GPRIN3: variants seen among roughly 807,000 people sequenced by gnomAD.
The protein encoded by GPRIN3 is G protein-regulated inducer of neurite outgrowth 3.
Under a neutral mutation model 13.7 loss-of-function variants are expected in GPRIN3, and 12 were observed. The ratio of observed to expected loss-of-function variants is 0.87; its 90% CI spans 0.56 to 1.42. The LOEUF (loss-of-function observed/expected upper bound fraction) is 1.42. Ranked by LOEUF, GPRIN3 falls within the 40% of genes most tolerant of loss-of-function variation. The pLI is 0.00. For missense variants in GPRIN3, 1,009 were observed against 958.7 expected (o/e 1.05, Z -0.69); for synonymous variants, 377 against 372.7 (o/e 1.01, Z -0.13).
rs542295810 is a variant in GPRIN3 at position 89,290,515 on chromosome 4, G to C, written c.-124+17100C>G. On this transcript the variant is annotated intron_variant, in intron 1 of 1. Transcript: ENST00000609438. Reference sequence around the variant, plus strand: ...GCTTAGGATTCGCTGGAAGCATTAAGTTTCAGGACAAATGCCATACTCTCC... The same window carrying C: ...GCTTAGGATTCGCTGGAAGCATTAACTTTCAGGACAAATGCCATACTCTCC... 9.2e-5 allele frequency among the ~76,000 whole-genome samples: 14 copies of C among 152,242 alleles called. No individual in the cohort carries two copies. The South Asian group carries it at 2.3e-3, about 25-fold the overall frequency.
chr4:89,283,892 T>C (rs751937837), intron 1 of GPRIN3, among the ~76,000 whole-genome samples: 23 of 152,138 alleles, frequency 1.5e-4, no homozygotes, highest in Admixed American at 1.1e-3. Flanking sequence ...TGTGACAAAG[T>C]AAAACTGCGG....
chr4:89,272,828 A>G (rs1436432214), intron 1 of GPRIN3, among the ~76,000 whole-genome samples: 1 of 152,228 alleles, frequency 6.6e-6, no homozygotes, highest in African/African-American at 2.4e-5. Flanking sequence ...ATTCTATTCC[A>G]TTTAAAAATG....
chr4:89,248,459 G>A lies in GPRIN3; in HGVS notation c.1652C>T (p.Ser551Phe), dbSNP rs1157402523. The change falls in exon 2 of 2, where the codon TCT becomes TTT. Residue 551 changes from serine to phenylalanine, a missense_variant. Transcript: ENST00000609438. The part of the protein sequence containing the change: ...ASPQVVKEKE[S>F]TGTDTSDAKT... ...GGCATCCGAGGTATCAGTGCCAGTAGACTCTTTTTCTTTTACTACCTGAGG... is the reference window on the plus strand; with the variant it reads ...GGCATCCGAGGTATCAGTGCCAGTAAACTCTTTTTCTTTTACTACCTGAGG... 3 of 1,613,200 alleles carry A rather than the reference G, an allele frequency of 1.9e-6. No individual in the cohort carries two copies. The Admixed American group carries it at 5.0e-5, about 27-fold the overall frequency.
intron 1 of GPRIN3, among the ~76,000 whole-genome samples, chr4:89,300,922 T>G (rs952646759): frequency 1.3e-5 from 2 of 152,212 alleles, no homozygotes; most frequent in Admixed American, 6.5e-5. Flanking sequence ...TAATTTTAAT[T>G]AACAATTACA....
chr4:89,249,875 G>T lies in GPRIN3; in HGVS notation c.236C>A (p.Ser79Tyr), dbSNP rs753838335. 7.4e-6 allele frequency: 12 copies of T among 1,614,212 alleles called. 1 individual carries two copies. Among genetic ancestry groups the T allele is most frequent in the Middle Eastern group, 1.6e-4 (1 of 6,062 alleles). The change falls in exon 2 of 2, where the codon TCT becomes TAT. Residue 79 changes from serine (S) to tyrosine (Y), a missense_variant. Coordinates refer to ENST00000609438, the MANE Select transcript of GPRIN3 (RefSeq NM_198281.3). ...CEHETTQPDM[S>Y]SPGVFNEVQK... ...CACTTCATTGAACACACCAGGAGAAGACATATCTGGTTGGGTGGTCTCATG... is the reference window on the plus strand; with the variant it reads ...CACTTCATTGAACACACCAGGAGAATACATATCTGGTTGGGTGGTCTCATG...
intron 1 of GPRIN3, among the ~76,000 whole-genome samples, chr4:89,282,821 T>C (rs1037764061): frequency 2.0e-5 from 3 of 152,114 alleles, no homozygotes; most frequent in South Asian, 2.1e-4. Flanking sequence ...TTTGCTGTCA[T>C]GGGAACTATG....
chr4:89,282,123 G>A (rs753719211), intron 1 of GPRIN3, among the ~76,000 whole-genome samples: 15 of 152,080 alleles, frequency 9.9e-5, no homozygotes, highest in East Asian at 1.9e-4. Flanking sequence ...TTTTTATTTC[G>A]TGTATAATGC....
At position 89,246,491 on chromosome 4, in the gene GPRIN3, C is replaced by A. The variant is rs1458797797; in HGVS notation, c.*1289G>T. The A allele has an allele frequency of 6.6e-6, 1 of 152,154 alleles. No individual in the cohort carries two copies. Among genetic ancestry groups the A allele is most frequent in the Non-Finnish European group, 1.5e-5 (1 of 68,060 alleles). The allele number at this position is 152,154 out of a possible 1,614,324, so 9.4% of individuals were successfully genotyped here. A position where few individuals can be genotyped will look rare whatever the true frequency, so the allele number is the denominator to read the frequency against. On this transcript the variant is annotated 3_prime_UTR_variant, in exon 2 of 2. Coordinates refer to ENST00000609438, the MANE Select transcript of GPRIN3 (RefSeq NM_198281.3). ...GTCTCTTCTGGAGACACGGGAGGGC[C>A]AAGGTCCCAGGAAGTATAATCCACC...
chr4:89,295,913 TA>T (rs1224975639), intron 1 of GPRIN3, among the ~76,000 whole-genome samples: 2 of 152,206 alleles, frequency 1.3e-5, no homozygotes, highest in African/African-American at 4.8e-5. Context: ...AGCCTTGCCC[TA>T]AAAAATAACA....
rs149258787 is a variant in GPRIN3, at chr4:89,264,168, T to C, written c.-123-13935A>G. On this transcript the variant is annotated intron_variant, in intron 1 of 1. Transcript: ENST00000609438. Reference sequence around the variant, plus strand: ...TGGGGCCTAGTGAGATGTGTTTAGGTCATGGGGGTGGATTCCTTGTGAATA... The same window carrying C: ...TGGGGCCTAGTGAGATGTGTTTAGGCCATGGGGGTGGATTCCTTGTGAATA... Among the ~76,000 whole-genome samples, 11 of 152,260 alleles carry C rather than the reference T, an allele frequency of 7.2e-5. No homozygotes were observed. The East Asian group carries it at 2.1e-3, about 29-fold the overall frequency.
intron 1 of GPRIN3, 70 bp from the exon 2 acceptor site, chr4:89,250,303 C>A: frequency 8.6e-7 from 1 of 1,165,164 alleles, no homozygotes. Context: ...ACCAAACTGT[C>A]GTTTTTATAA....
At chr4:89,303,662 C>A (rs544401261) in intron 1 of GPRIN3, among the ~76,000 whole-genome samples, 1 of 151,734 alleles carries the variant, frequency 6.6e-6, no homozygotes, top group South Asian at 2.1e-4. Context: ...TCAAAGGATA[C>A]AAAGTAGTAG....
In GPRIN3 at chr4:89,270,950, G is replaced by T. The variant is rs13103730; in HGVS notation, c.-123-20717C>A. Among the ~76,000 whole-genome samples, 1,509 of 152,226 alleles carry T rather than the reference G, an allele frequency of 9.9e-3. 21 individuals carry two copies. The highest frequency in any genetic ancestry group is 0.056 in the East Asian group (290 of 5,160). On this transcript the variant is annotated intron_variant, in intron 1 of 1. Transcript: ENST00000609438. The stretch of plus-strand genomic sequence containing the variant: ...AGACAAACATTTCATAGGCTACAAT[G>T]CTCAGGGATAGGTACCGTGGTCAGG...
chr4:89,301,362 C>T (rs1724892815), intron 1 of GPRIN3, among the ~76,000 whole-genome samples: 2 of 152,168 alleles, frequency 1.3e-5, no homozygotes, highest in South Asian at 4.1e-4. Context: ...CTGTCCTGTA[C>T]AGTCATAATT....
At chr4:89,252,520 A>G (rs1723356641) in intron 1 of GPRIN3, among the ~76,000 whole-genome samples, 1 of 152,214 alleles carries the variant, frequency 6.6e-6, no homozygotes, top group Non-Finnish European at 1.5e-5. Flanking sequence ...TAATACATCA[A>G]ACTGTATGAT....
At chr4:89,307,265 A>C (rs1237737146) in intron 1 of GPRIN3, among the ~76,000 whole-genome samples, 1 of 121,186 alleles carries the variant, frequency 8.3e-6, no homozygotes, top group East Asian at 2.2e-4. Context: ...AAATGAGACA[A>C]ATGTCACACA....
At chr4:89,270,584 TATATATATATATATATAA>T (rs1342451350) in intron 1 of GPRIN3, among the ~76,000 whole-genome samples, 837 of 82,670 alleles carry the variant, frequency 0.01, 18 homozygotes, top group African/African-American at 0.06. Context: ...TATATATATA[TATATATATATATATATAA>T]AATATAGATA....
chr4:89,268,571 A>T (rs1266479342), intron 1 of GPRIN3, among the ~76,000 whole-genome samples: 4 of 152,214 alleles, frequency 2.6e-5, no homozygotes, highest in African/African-American at 9.7e-5. Flanking sequence ...ATAAATGTAT[A>T]GTCCAATAAA....
Position 89,250,051 on chromosome 4 carries a change from T to TC in GPRIN3, c.59dup (p.Glu22ArgfsTer21). 1 of 1,614,164 alleles carries TC rather than the reference T, an allele frequency of 6.2e-7. No homozygotes were observed. The highest frequency in any genetic ancestry group is 8.5e-7 in the Non-Finnish European group (1 of 1,179,998). On this transcript the variant is annotated frameshift_variant, in exon 2 of 2. Transcript: ENST00000609438. LOFTEE classifies it low-confidence loss of function (END_TRUNC). ...GTGGCTCTCCTAGATCGTCTTCTTT[T>TC]CCGGAAGCTGCAATCAGGGAAGTTT...
Sources: gnomAD v4.1 joint callset for allele counts (sites outside exome capture counted in the v4.1 genomes callset) on GRCh38, gnomAD v4.1.1 for gene constraint, MANE v1.5 for transcripts, NCBI Gene and HGNC (gene_info 2026-07-23, HGNC 2026-07-21) for gene names.